ELP4: variants seen among roughly 807,000 people sequenced by gnomAD.
The protein encoded by ELP4 is elongator acetyltransferase complex subunit 4.
In ELP4, 51 loss-of-function variants were observed where a neutral mutation model predicts 48.9. That is an observed-to-expected ratio of 1.04 (90% CI 0.83 to 1.32). The LOEUF is 1.32. Ranked by LOEUF, ELP4 falls within the 40% of genes most tolerant of loss-of-function variation. ELP4 has a pLI of 0.00. For missense variants in ELP4, 519 were observed against 514.6 expected, an observed-to-expected ratio of 1.01 and a Z score of -0.08; for synonymous variants, 210 against 189.2, an observed-to-expected ratio of 1.11 and a Z score of -0.90.
At chr11:31,660,460 A>G (rs1344418316) in intron 9 of ELP4, among the ~76,000 whole-genome samples, 1 of 152,206 alleles carries the variant, frequency 6.6e-6, no homozygotes, top group Non-Finnish European at 1.5e-5. Flanking sequence ...TCTTGTAGTC[A>G]GTAGGCAAAG....
chr11:31,598,457 A>T (rs1347143560), intron 4 of ELP4, among the ~76,000 whole-genome samples: 4 of 150,678 alleles, frequency 2.7e-5, no homozygotes, highest in African/African-American at 9.7e-5. Context: ...GTTGCATATT[A>T]ACAAATAAAC....
At chr11:31,573,815 A>G (rs1193185305) in intron 3 of ELP4, among the ~76,000 whole-genome samples, 2 of 151,328 alleles carry the variant, frequency 1.3e-5, no homozygotes, top group East Asian at 2.0e-4. Context: ...TCCAACTACC[A>G]TCTCATTAGG....
At chr11:31,570,623 A>G (rs1435827646) in intron 3 of ELP4, among the ~76,000 whole-genome samples, 2 of 151,124 alleles carry the variant, frequency 1.3e-5, no homozygotes, top group Non-Finnish European at 3.0e-5. Flanking sequence ...ACCCACCACC[A>G]CACCCAACTA....
At chr11:31,647,597 A>G (rs1945229417) in intron 7 of ELP4, 144 bp from the exon 8 acceptor site, 1 of 564,140 alleles carries the variant, frequency 1.8e-6, no homozygotes, top group Middle Eastern at 4.9e-4. Flanking sequence ...TTTTCAGCCT[A>G]TAGTAGCTTT....
chr11:31,656,461 A>G (rs1335413407), intron 9 of ELP4, among the ~76,000 whole-genome samples: 1 of 152,048 alleles, frequency 6.6e-6, no homozygotes, highest in East Asian at 1.9e-4. Context: ...ACTTATAATT[A>G]GTTATATCAA....
intron 3 of ELP4, among the ~76,000 whole-genome samples, chr11:31,543,020 G>C (rs1956617495): frequency 6.6e-6 from 1 of 152,074 alleles, no homozygotes; most frequent in Non-Finnish European, 1.5e-5. Flanking sequence ...TACACTTGAG[G>C]TGCAAAGTGG....
chr11:31,546,322 A>C (rs1353913121), intron 3 of ELP4, among the ~76,000 whole-genome samples: 1 of 152,122 alleles, frequency 6.6e-6, no homozygotes, highest in Admixed American at 6.5e-5. Context: ...AAAAAAAGGC[A>C]GGGGTTGCAA....
chr11:31,650,068 G>A (rs1425795924), intron 8 of ELP4, 47 bp from the exon 9 acceptor site: 1 of 775,230 alleles, frequency 1.3e-6, no homozygotes. Context: ...TTATGCATCT[G>A]ATGACAATGT....
intron 7 of ELP4, among the ~76,000 whole-genome samples, chr11:31,645,286 G>A (rs528968807): frequency 4.6e-5 from 7 of 151,780 alleles, no homozygotes; most frequent in African/African-American, 1.2e-4. Context: ...TTTCCCTTTC[G>A]AAGTGGATAA....
chr11:31,565,854 A>G (rs1592122113), intron 3 of ELP4, among the ~76,000 whole-genome samples: 1 of 152,152 alleles, frequency 6.6e-6, no homozygotes, highest in Non-Finnish European at 1.5e-5. Flanking sequence ...TTGGCAAAGT[A>G]GGCTCTTTTT....
intron 3 of ELP4, among the ~76,000 whole-genome samples, chr11:31,544,445 G>A (rs1426541161): frequency 2.0e-5 from 3 of 152,216 alleles, no homozygotes; most frequent in Admixed American, 1.3e-4. Context: ...GTGAGGCTGG[G>A]GGAGGGGTGC....
At chr11:31,635,943 C>T (rs779927388) in intron 7 of ELP4, among the ~76,000 whole-genome samples, 25 of 151,916 alleles carry the variant, frequency 1.6e-4, no homozygotes, top group Admixed American at 5.3e-4. Context: ...AGTTGGCCAT[C>T]CAAATATTAG....
At chr11:31,575,571 A>G (rs1272929986) in intron 3 of ELP4, among the ~76,000 whole-genome samples, 2 of 152,254 alleles carry the variant, frequency 1.3e-5, no homozygotes, top group Non-Finnish European at 2.9e-5. Flanking sequence ...AGGGAAGCCC[A>G]TCAGACTAAC....
chr11:31,615,589 A>G (rs959543237), intron 5 of ELP4, among the ~76,000 whole-genome samples: 1 of 152,084 alleles, frequency 6.6e-6, no homozygotes, highest in Non-Finnish European at 1.5e-5. Flanking sequence ...TCATCTGAAC[A>G]CAATCAGCTT....
chr11:31,671,257 A>G (rs1357599775), intron 9 of ELP4, among the ~76,000 whole-genome samples: 1 of 152,210 alleles, frequency 6.6e-6, no homozygotes, highest in Non-Finnish European at 1.5e-5. Flanking sequence ...TTGGACCAAA[A>G]AAATTGTTAA....
intron 5 of ELP4, among the ~76,000 whole-genome samples, chr11:31,621,629 A>G (rs777402922): frequency 1.3e-5 from 2 of 151,964 alleles, no homozygotes; most frequent in Non-Finnish European, 2.9e-5. Context: ...TAGTTTATAT[A>G]TTTGTAAGCA....
At chr11:31,725,364 G>T (rs1460447248) in intron 9 of ELP4, among the ~76,000 whole-genome samples, 1 of 152,082 alleles carries the variant, frequency 6.6e-6, no homozygotes, top group Non-Finnish European at 1.5e-5. Flanking sequence ...CTCAGCAAGT[G>T]AAACTCATCC....
intron 9 of ELP4, among the ~76,000 whole-genome samples, chr11:31,774,958 G>A (rs1208670031): frequency 6.6e-6 from 1 of 152,116 alleles, no homozygotes; most frequent in African/African-American, 2.4e-5. Context: ...TACCCATTCT[G>A]TCTTTTTGCT....
At chr11:31,603,500 CAA>C (rs2036828830) in intron 4 of ELP4, among the ~76,000 whole-genome samples, 1 of 150,646 alleles carries the variant, frequency 6.6e-6, no homozygotes, top group African/African-American at 2.4e-5. Context: ...GAAAAAAAAC[CAA>C]AGAGGTTTGT....
Sources: gnomAD v4.1 joint callset for allele counts (sites outside exome capture counted in the v4.1 genomes callset) on GRCh38, gnomAD v4.1.1 for gene constraint, MANE v1.5 for transcripts, NCBI Gene and HGNC (gene_info 2026-07-23, HGNC 2026-07-21) for gene names.